The following B3GALNT2 variants were observed in gnomAD, a reference collection of about 807,000 sequenced individuals.
B3GALNT2 encodes beta-1,3-N-acetylgalactosaminyltransferase 2.
A neutral mutation model predicts 61.1 loss-of-function variants in B3GALNT2; 53 were observed. The observed-to-expected ratio is 0.87, with a 90% CI of 0.70 to 1.09. B3GALNT2 has a LOEUF of 1.09. Ranked by LOEUF, B3GALNT2 falls within the 50% of genes least tolerant of loss-of-function variation. The pLI, the probability that B3GALNT2 is intolerant of heterozygous loss-of-function variation, is 0.00. For missense variants in B3GALNT2, 544 were observed against 623.0 expected, an observed-to-expected ratio of 0.87 and a Z score of 1.35; for synonymous variants, 223 against 237.4, an observed-to-expected ratio of 0.94 and a Z score of 0.56.
chr1:235,450,058 A>G lies in B3GALNT2; in HGVS notation c.*148T>C. 1 of 912,974 alleles carries G rather than the reference A, an allele frequency of 1.1e-6. No individual in the cohort carries two copies. Among genetic ancestry groups the G allele is most frequent in the Non-Finnish European group, 1.6e-6 (1 of 616,058 alleles). The allele number at this position is 912,974 out of a possible 1,614,324, so 56.6% of individuals were successfully genotyped here. A position where few individuals can be genotyped will look rare whatever the true frequency, so the allele number is the denominator to read the frequency against. The stretch of plus-strand genomic sequence containing the variant: ...AGGAAATTTGTGCAAACATTAAGAA[A>G]CACCGCATTGGTTCTGGGTGAAAGT... On this transcript the variant is annotated 3_prime_UTR_variant, in exon 12 of 12. Transcript: ENST00000366600.
At chr1:235,467,853 C>T (rs1362191356) in intron 6 of B3GALNT2, among the ~76,000 whole-genome samples, 1 of 151,882 alleles carries the variant, frequency 6.6e-6, no homozygotes, top group African/African-American at 2.4e-5. Context: ...GATCTTGGCT[C>T]ACTGCAACCT....
chr1:235,468,515 C>T (rs890064559), intron 6 of B3GALNT2, among the ~76,000 whole-genome samples: 3 of 141,972 alleles, frequency 2.1e-5, no homozygotes, highest in African/African-American at 8.0e-5. Context: ...TGCAGTGGCG[C>T]GATCTTGGCT....
chr1:235,479,811 A>T (rs1684470021), intron 5 of B3GALNT2: 4 of 396,960 alleles, frequency 1.0e-5, no homozygotes, highest in Non-Finnish European at 1.7e-5. Flanking sequence ...TCCACTAAAT[A>T]AACTACGGAA....
intron 6 of B3GALNT2, among the ~76,000 whole-genome samples, chr1:235,467,921 G>T (rs769515519): frequency 6.7e-6 from 1 of 149,578 alleles, no homozygotes; most frequent in Non-Finnish European, 1.5e-5. Context: ...CTGGGATTAC[G>T]GGCATTAGCC....
chr1:235,453,517 G>A (rs1683025838), intron 10 of B3GALNT2, among the ~76,000 whole-genome samples: 1 of 151,552 alleles, frequency 6.6e-6, no homozygotes, highest in East Asian at 1.9e-4. Context: ...ATGCAGTGGC[G>A]CAATCTCAGC....
chr1:235,493,605 C>G (rs1685179630), intron 2 of B3GALNT2, among the ~76,000 whole-genome samples: 1 of 151,948 alleles, frequency 6.6e-6, no homozygotes, highest in African/African-American at 2.4e-5. Flanking sequence ...TGGTGAAACC[C>G]TGTCCTTACT....
At chr1:235,469,066 T>C (rs1572509898) in intron 6 of B3GALNT2, among the ~76,000 whole-genome samples, 1 of 152,328 alleles carries the variant, frequency 6.6e-6, no homozygotes, top group African/African-American at 2.4e-5. Flanking sequence ...TATAACTACA[T>C]ATGAATCTAT....
Position 235,448,312 on chromosome 1 carries a change from T to C in B3GALNT2, c.*1894A>G, listed in dbSNP as rs779529741. ...AGCTAGTTTTACAGGTAACTGTCAT[T>C]TGAGAGAACGAATGGACTTTTCTTG... On this transcript the variant is annotated 3_prime_UTR_variant, in exon 12 of 12. Coordinates refer to ENST00000366600, the MANE Select transcript of B3GALNT2 (RefSeq NM_152490.5). 7.6e-6 allele frequency: 12 copies of C among 1,574,268 alleles called. No individual in the cohort carries two copies. The African/African-American group carries it at 1.3e-4, about 18-fold the overall frequency.
intron 5 of B3GALNT2, among the ~76,000 whole-genome samples, chr1:235,473,248 AT>A (rs952696814): frequency 2.0e-5 from 3 of 152,106 alleles, no homozygotes; most frequent in Admixed American, 6.6e-5. Flanking sequence ...AATAAATAAT[AT>A]TTTTTTCCTC....
intron 4 of B3GALNT2, among the ~76,000 whole-genome samples, chr1:235,481,281 T>C (rs1014263517): frequency 6.6e-6 from 1 of 152,230 alleles, no homozygotes; most frequent in African/African-American, 2.4e-5. Flanking sequence ...AGAAGTTATA[T>C]CGACATGATC....
At chr1:235,470,545 C>T (rs1683941125) in intron 6 of B3GALNT2, among the ~76,000 whole-genome samples, 1 of 148,572 alleles carries the variant, frequency 6.7e-6, no homozygotes, top group Non-Finnish European at 1.5e-5. Flanking sequence ...GCTAGTGCAC[C>T]CCAGCCTGTG....
chr1:235,499,488 C>T (rs1351551378), intron 1 of B3GALNT2, among the ~76,000 whole-genome samples: 1 of 152,152 alleles, frequency 6.6e-6, no homozygotes, highest in Non-Finnish European at 1.5e-5. Context: ...GGCACAGATA[C>T]AGCAGTAAAC....
At chr1:235,502,291 G>C (rs1483545516) in intron 1 of B3GALNT2, among the ~76,000 whole-genome samples, 1 of 152,208 alleles carries the variant, frequency 6.6e-6, no homozygotes, top group Non-Finnish European at 1.5e-5. Context: ...GGGATTACAG[G>C]CGTGAGGCAC....
chr1:235,440,855 T>C, the B3GALNT2 span: 1 of 152,256 alleles, frequency 6.6e-6, no homozygotes, highest in Non-Finnish European at 1.5e-5. Flanking sequence ...TTCTTCAGGC[T>C]TTGAAGCTAA....
At chr1:235,456,586 G>T (rs1683180838) in intron 8 of B3GALNT2, among the ~76,000 whole-genome samples, 1 of 152,072 alleles carries the variant, frequency 6.6e-6, no homozygotes, top group African/African-American at 2.4e-5. Flanking sequence ...CTGAAATAAT[G>T]AGGAAGAAAT....
At chr1:235,486,629 T>G (rs564362351) in intron 3 of B3GALNT2, among the ~76,000 whole-genome samples, 18 of 152,360 alleles carry the variant, frequency 1.2e-4, no homozygotes, top group African/African-American at 4.1e-4. Context: ...AATATTAACT[T>G]AGTTATATAC....
At chr1:235,488,301 T>A (rs963150046) in intron 3 of B3GALNT2, among the ~76,000 whole-genome samples, 2 of 152,122 alleles carry the variant, frequency 1.3e-5, no homozygotes, top group Non-Finnish European at 2.9e-5. Context: ...CAAACGCGTA[T>A]GAATCACACT....
chr1:235,484,926 C>G (rs992467857), intron 3 of B3GALNT2, among the ~76,000 whole-genome samples: 4 of 152,116 alleles, frequency 2.6e-5, no homozygotes, highest in Admixed American at 2.0e-4. Flanking sequence ...GTGCAAATTC[C>G]AAAAATCCTA....
In B3GALNT2 at chr1:235,476,440, C is replaced by T. The variant is rs948377404; in HGVS notation, c.651+3614G>A. Among the ~76,000 whole-genome samples, 3 of 150,862 alleles carry T rather than the reference C, an allele frequency of 2.0e-5. No homozygotes were observed. The Admixed American group carries it at 2.0e-4, about 10-fold the overall frequency. ...CAAACAAACAAACAAACAAACTAGA[C>T]CTGGTGTGGTGGCTCAAGCCTGTAA... is the stretch of plus-strand genomic sequence containing the variant. On this transcript the variant is annotated intron_variant, in intron 5 of 11. Transcript: ENST00000366600.
Sources: allele counts gnomAD v4.1 joint callset (sites outside exome capture counted in the v4.1 genomes callset), GRCh38; gene constraint gnomAD v4.1.1; transcripts MANE v1.5; gene names NCBI Gene and HGNC (gene_info 2026-07-23, HGNC 2026-07-21).